The following SEC23IP variants were observed in gnomAD, a reference collection of about 807,000 sequenced individuals.
The protein encoded by SEC23IP is SEC23 interacting protein, also known as SEC23-interacting protein.
A neutral mutation model predicts 113.4 loss-of-function variants in SEC23IP; 70 were observed. The observed-to-expected ratio is 0.62, with a 90% CI of 0.51 to 0.75. SEC23IP has a LOEUF of 0.75. Among genes scored for constraint, SEC23IP ranks in the 30% least tolerant of loss-of-function variants. SEC23IP has a pLI of 0.00. For missense variants in SEC23IP, 1,160 were observed against 1,204.9 expected (o/e 0.96, Z 0.55); for synonymous variants, 398 against 421.0 (o/e 0.95, Z 0.67).
chr10:119,928,396 C>T (rs993491695), intron 13 of SEC23IP, among the ~76,000 whole-genome samples: 26 of 152,132 alleles, frequency 1.7e-4, no homozygotes, highest in African/African-American at 6.0e-4. Flanking sequence ...TGGAACAAAA[C>T]TGTCGAATTT....
intron 16 of SEC23IP, 116 bp from the exon 17 acceptor site, chr10:119,932,889 C>A: frequency 1.2e-6 from 1 of 826,260 alleles, no homozygotes; most frequent in Non-Finnish European, 1.9e-6. Context: ...AGCCTGGTAG[C>A]TCCTCAGGTT....
intron 18 of SEC23IP, among the ~76,000 whole-genome samples, chr10:119,933,995 A>G (rs1051434742): frequency 1.3e-5 from 2 of 152,248 alleles, no homozygotes; most frequent in Non-Finnish European, 2.9e-5. Context: ...CTAAATTTAC[A>G]TAGAATTTGA....
chr10:119,924,542 C>G (rs1020743285), intron 12 of SEC23IP, among the ~76,000 whole-genome samples: 2 of 151,758 alleles, frequency 1.3e-5, no homozygotes, highest in Non-Finnish European at 2.9e-5. Context: ...GCCTCAGTCT[C>G]CTGAGTAGCT....
intron 11 of SEC23IP, 93 bp downstream of exon 11, chr10:119,919,689 C>A: frequency 1.0e-6 from 1 of 952,984 alleles, no homozygotes; most frequent in Non-Finnish European, 1.5e-6. Flanking sequence ...AAAATACACT[C>A]CAGAGTAGAC....
chr10:119,918,425 C>A lies in SEC23IP; in HGVS notation c.1786C>A (p.Gln596Lys). The change falls in exon 10 of 19, where the codon CAA becomes AAA. Residue 596 changes from glutamine (Q) to lysine (K), a missense_variant. By Grantham distance (53) the Gln-to-Lys change is moderately conservative. Transcript: ENST00000369075. ...SLILFDILSN[Q>K]KDLNLSKCPG... The stretch of plus-strand genomic sequence containing the variant: ...AATATTGTTTGACATCCTGTCTAAT[C>A]AAAAAGATTTGAATTTATCAAAGTG... 6.2e-7 allele frequency: 1 copy of A among 1,611,520 alleles called. No individual in the cohort carries two copies. The highest frequency in any genetic ancestry group is 1.1e-5 in the South Asian group (1 of 90,988).
intron 1 of SEC23IP, among the ~76,000 whole-genome samples, chr10:119,893,420 T>C (rs1369998949): frequency 1.3e-5 from 2 of 152,044 alleles, no homozygotes; most frequent in Middle Eastern, 3.2e-3. Flanking sequence ...CAATATCTTC[T>C]AGGTTACAGT....
At chr10:119,909,001 A>AAATTT in intron 4 of SEC23IP, 40 bp from the exon 5 acceptor site, 1 of 1,359,224 alleles carries the variant, frequency 7.4e-7, no homozygotes. Flanking sequence ...TGTGGTATAA[A>AAATTT]TTTGTCATGT....
intron 15 of SEC23IP, among the ~76,000 whole-genome samples, chr10:119,930,762 C>G (rs1264018468): frequency 6.6e-6 from 1 of 152,180 alleles, no homozygotes; most frequent in Non-Finnish European, 1.5e-5. Flanking sequence ...AACAGACCAT[C>G]AAGAAATAAA....
Position 119,902,781 on chromosome 10 carries a change from C to T in SEC23IP, c.697-18C>T. 1 of 1,609,058 alleles carries T rather than the reference C, an allele frequency of 6.2e-7. No individual in the cohort carries two copies. Among genetic ancestry groups the T allele is most frequent in the Non-Finnish European group, 8.5e-7 (1 of 1,177,218 alleles). The stretch of plus-strand genomic sequence containing the variant: ...TTTTGGACAAGCATGACAGTCTTAA[C>T]TTTGCCGTCCCCTCCAGGTTCCTTC... On this transcript the variant is annotated intron_variant, in intron 2 of 18. Coordinates refer to ENST00000369075, the MANE Select transcript of SEC23IP (RefSeq NM_007190.4).
Position 119,892,839 on chromosome 10 carries a change from CACTA to C in SEC23IP, c.61_64del (p.Asn21TyrfsTer80), listed in dbSNP as rs764666913. 1 of 1,613,974 alleles carries C rather than the reference CACTA, an allele frequency of 6.2e-7. No individual in the cohort carries two copies. The highest frequency in any genetic ancestry group is 1.7e-5 in the Admixed American group (1 of 60,008). On this transcript the variant is annotated frameshift_variant, in exon 1 of 19. Coordinates refer to ENST00000369075, the MANE Select transcript of SEC23IP (RefSeq NM_007190.4). LOFTEE classifies it high-confidence loss of function. ...GCGGCGCCTCCACTTCCTCATCGGG[CACTA>C]ACTTACTTTTCTCCTCCTCGGCCAC...
At chr10:119,937,807 A>G (rs1484127172) in intron 18 of SEC23IP, among the ~76,000 whole-genome samples, 2 of 152,142 alleles carry the variant, frequency 1.3e-5, no homozygotes, top group African/African-American at 4.8e-5. Flanking sequence ...TCTGTGCCAT[A>G]TATTGAATAA....
rs369236648 is a variant in SEC23IP, at chr10:119,898,631, C to G, written c.368C>G (p.Thr123Arg). The G allele has an allele frequency of 4.3e-6, 7 of 1,614,084 alleles. 1 individual carries two copies. In the African/African-American group the frequency reaches 8.0e-5, roughly 18 times the overall value. Reference sequence around the variant, plus strand: ...AAGCCCCTGACTGCTCTCCCTTTTACAACTGGATCCCAAGATGTCTCGAAT... The same window carrying G: ...AAGCCCCTGACTGCTCTCCCTTTTAGAACTGGATCCCAAGATGTCTCGAAT... The part of the protein sequence containing the change: ...FPKPLTALPF[T>R]TGSQDVSNAF... The change falls in exon 2 of 19, where the codon ACA (threonine) becomes AGA (arginine). Residue 123 changes from threonine to arginine, a missense_variant. By Grantham distance (71) the Thr-to-Arg change is moderately conservative. Transcript: ENST00000369075.
rs566023067 is a variant in SEC23IP, at chr10:119,904,114, G to A, written c.938G>A (p.Gly313Asp). 2 of 1,614,202 alleles carry A rather than the reference G, an allele frequency of 1.2e-6. No homozygotes were observed. Among genetic ancestry groups the A allele is most frequent in the East Asian group, 2.2e-5 (1 of 44,886 alleles). The part of the protein sequence containing the change: ...VQPDPESVVL[G>D]TDGGRYDVYL... ...CCAGATCCGGAGAGCGTGGTTCTTGGCACGGATGGAGGGCGCTACGATGTT... is the reference window on the plus strand; with the variant it reads ...CCAGATCCGGAGAGCGTGGTTCTTGACACGGATGGAGGGCGCTACGATGTT... Residue 313 changes from glycine (G) to aspartate (D), a missense_variant, in exon 4 of 19, where the codon GGC becomes GAC. Coordinates refer to ENST00000369075, the MANE Select transcript of SEC23IP (RefSeq NM_007190.4).
At position 119,917,928 on chromosome 10, in the gene SEC23IP, C is replaced by T. The variant is rs186676928; in HGVS notation, c.1637C>T (p.Thr546Ile). The T allele has an allele frequency of 7.4e-6, 12 of 1,614,002 alleles. No homozygotes were observed. The highest frequency in any genetic ancestry group is 1.0e-5 in the Non-Finnish European group (12 of 1,179,880). The change falls in exon 9 of 19, where the codon ACC (threonine) becomes ATC (isoleucine). Residue 546 changes from threonine to isoleucine, a missense_variant. Physicochemically the swap from Thr to Ile is moderately conservative, Grantham distance 89 (BLOSUM62 -1). Transcript: ENST00000369075. ...LLDILFYNSP[T>I]YCQTIVEKVG... is the part of the protein sequence containing the mutation. Reference sequence around the variant, plus strand: ...GATATTTTATTTTATAACAGCCCCACCTACTGTCAGACAATTGTGGAAAAA... The same window carrying T: ...GATATTTTATTTTATAACAGCCCCATCTACTGTCAGACAATTGTGGAAAAA...
Position 119,920,975 on chromosome 10 carries a change from A to C in SEC23IP, c.2112A>C (p.Ala704=). Residue 704 remains alanine (A), a synonymous_variant, in exon 12 of 19, where the codon GCA becomes GCC. Transcript: ENST00000369075. The part of the protein sequence containing the change: ...KKIANFVEHK[A]AKLKKAASEK... ...TAGCTAACTTTGTAGAACATAAAGC[A>C]GCCAAACTGGTAAAGTTCACCTCTG... is the stretch of plus-strand genomic sequence containing the variant. 3 of 1,612,138 alleles carry C rather than the reference A, an allele frequency of 1.9e-6. No homozygotes were observed. Among genetic ancestry groups the C allele is most frequent in the Non-Finnish European group, 2.5e-6 (3 of 1,178,314 alleles).
At chr10:119,909,558 A>G (rs1270291524) in intron 5 of SEC23IP, among the ~76,000 whole-genome samples, 2 of 152,102 alleles carry the variant, frequency 1.3e-5, no homozygotes, top group Non-Finnish European at 2.9e-5. Flanking sequence ...GCTGCACTCT[A>G]GTAGCCTGGG....
At chr10:119,906,725 G>A (rs1221931290) in intron 4 of SEC23IP, among the ~76,000 whole-genome samples, 1 of 151,890 alleles carries the variant, frequency 6.6e-6, no homozygotes, top group Non-Finnish European at 1.5e-5. Flanking sequence ...ACAGGCGCCT[G>A]TCACCATGCC....
rs1854579578 is a variant in SEC23IP at position 119,904,023 on chromosome 10, T to A, written c.908-61T>A. On this transcript the variant is annotated intron_variant, in intron 3 of 18. Coordinates refer to ENST00000369075, the MANE Select transcript of SEC23IP (RefSeq NM_007190.4). Reference sequence around the variant, plus strand: ...GCATGAGCCACTGCGCCCAGCAGATTATTTATTATTTTACAATATGCCTTG... The same window carrying A: ...GCATGAGCCACTGCGCCCAGCAGATAATTTATTATTTTACAATATGCCTTG... The A allele has an allele frequency of 1.9e-6, 3 of 1,560,308 alleles. No homozygotes were observed. The South Asian group carries it at 3.4e-5, about 18-fold the overall frequency.
intron 6 of SEC23IP, among the ~76,000 whole-genome samples, chr10:119,912,675 C>G (rs1488573159): frequency 1.4e-5 from 2 of 140,400 alleles, no homozygotes; most frequent in African/African-American, 2.6e-5. Flanking sequence ...GGGTCTCACT[C>G]TGTTGGCCAG....
Sources: allele counts gnomAD v4.1 joint callset (sites outside exome capture counted in the v4.1 genomes callset), GRCh38; gene constraint gnomAD v4.1.1; transcripts MANE v1.5; gene names NCBI Gene and HGNC (gene_info 2026-07-23, HGNC 2026-07-21).